OPA3: variants seen among roughly 807,000 people sequenced by gnomAD.
OPA3 encodes the protein outer mitochondrial membrane lipid metabolism regulator OPA3, also known as optic atrophy 3 protein.
A neutral mutation model predicts 4.0 loss-of-function variants in OPA3; 6 were observed. That is an observed-to-expected ratio of 1.51 (90% CI 0.83 to 2.99). The LOEUF is 2.99. Among genes scored for constraint, OPA3 ranks in the 30% most tolerant of loss-of-function variants. OPA3 has a pLI of 0.00. For synonymous variants in OPA3, 105 were observed against 117.1 expected (o/e 0.90, Z 0.67); for missense variants, 235 against 256.2 (o/e 0.92, Z 0.56).
intron 1 of OPA3, among the ~76,000 whole-genome samples, chr19:45,573,961 G>C (rs886367606): frequency 2.2e-4 from 33 of 152,066 alleles, no homozygotes; most frequent in African/African-American, 7.7e-4. Flanking sequence ...TCAGGAGTTG[G>C]AGACCAGCCT....
At position 45,561,759 on chromosome 19, in the gene OPA3, G is replaced by C. The variant is rs1969506310; in HGVS notation, c.143-7848C>G. Reference sequence around the variant, plus strand: ...AATTTGCAACCAGCCTGACCAATATGGTGAAACCCCGTCTCTACTAAAAAT... The same window carrying C: ...AATTTGCAACCAGCCTGACCAATATCGTGAAACCCCGTCTCTACTAAAAAT... On this transcript the variant is annotated intron_variant, in intron 1 of 1. Coordinates refer to ENST00000263275, the MANE Select transcript of OPA3 (RefSeq NM_025136.4). Among the ~76,000 whole-genome samples, 6 of 151,902 alleles carry C rather than the reference G, an allele frequency of 3.9e-5. No homozygotes were observed. In the South Asian group the frequency reaches 1.2e-3, roughly 32 times the overall value.
At chr19:45,572,509 CAT>C (rs72121143) in intron 1 of OPA3, among the ~76,000 whole-genome samples, 29,919 of 121,504 alleles carry the variant, frequency 0.25, 4,548 homozygotes, top group Non-Finnish European at 0.35. Context: ...AGATATATAT[CAT>C]ATATGAGATA....
At chr19:45,579,289 C>T (rs1047374571) in intron 1 of OPA3, among the ~76,000 whole-genome samples, 5 of 152,086 alleles carry the variant, frequency 3.3e-5, no homozygotes, top group South Asian at 2.1e-4. Flanking sequence ...GGTGCAATCT[C>T]GGCTCACTGC....
In OPA3 at chr19:45,537,411, A is replaced by AAAAAAAAAACAAG. The variant is rs1555730901; in HGVS notation, c.143-7956_143-7955insCTTGTTTTTTTTT. Among the ~76,000 whole-genome samples the AAAAAAAAAACAAG allele has an allele frequency of 9.2e-3, 873 of 94,884 alleles. 31 individuals carry two copies. The highest frequency in any genetic ancestry group is 0.039 in the African/African-American group (838 of 21,628). 62.2% of individuals were successfully genotyped at this position (94,884 alleles called of 152,430 possible). ...GACTCTGTCTCAAAAAAAAAAAAAA[A>AAAAAAAAAACAAG]AAAAAAAAAAACAAGAAAAGAACTT... On this transcript the variant is annotated intron_variant, in intron 1 of 1. Transcript: ENST00000323060.
Position 45,551,024 on chromosome 19 carries a change from G to A in OPA3, c.*2490C>T, listed in dbSNP as rs11671670. 311 of 904,370 alleles carry A rather than the reference G, an allele frequency of 3.4e-4. 1 individual carries two copies. The highest frequency in any genetic ancestry group is 1.7e-3 in the Middle Eastern group (3 of 1,748). The allele number at this position is 904,370 out of a possible 1,614,324, so 56.0% of individuals were successfully genotyped here. A position where few individuals can be genotyped will look rare whatever the true frequency, so the allele number is the denominator to read the frequency against. On this transcript the variant is annotated 3_prime_UTR_variant, in exon 2 of 2. Coordinates refer to ENST00000263275, the MANE Select transcript of OPA3 (RefSeq NM_025136.4). ...CATCCAGGCTGGAGTGTAGTGGCGC[G>A]ATCACGGCTCGCTGCAGCCTCGACC...
intron 1 of OPA3, among the ~76,000 whole-genome samples, chr19:45,572,616 CATG>C (rs969513442): frequency 7.8e-6 from 1 of 127,532 alleles, no homozygotes; most frequent in African/African-American, 2.9e-5. Flanking sequence ...TCATATATAT[CATG>C]ATATATGTAT....
rs1311782825 is a variant in OPA3 at position 45,572,510 on chromosome 19, ATATAT to A, written c.142+12108_142+12112del. ...TATCGAGATATATGAGATATATATC[ATATAT>A]GAGATATGAGATATATATATCATAT... is the stretch of plus-strand genomic sequence containing the variant. On this transcript the variant is annotated intron_variant, in intron 1 of 1. Transcript: ENST00000263275. Among the ~76,000 whole-genome samples the A allele has an allele frequency of 3.8e-5, 3 of 78,698 alleles. No individual in the cohort carries two copies. In the East Asian group the frequency reaches 8.4e-4, roughly 22 times the overall value. The allele number at this position is 78,698 out of a possible 152,430, so 51.6% of individuals were successfully genotyped here.
chr19:45,563,253 A>G (rs1473882615), intron 1 of OPA3, among the ~76,000 whole-genome samples: 2 of 152,026 alleles, frequency 1.3e-5, no homozygotes, highest in African/African-American at 4.8e-5. Context: ...TCCGCCTCCC[A>G]GGTTCACACC....
At chr19:45,564,150 G>C (rs1191726748) in intron 1 of OPA3, among the ~76,000 whole-genome samples, 2 of 129,764 alleles carry the variant, frequency 1.5e-5, no homozygotes, top group East Asian at 2.7e-4. Flanking sequence ...CAAGAACAAA[G>C]AGAAGCATCA....
chr19:45,544,439 C>A (rs757634289), downstream of OPA3, among the ~76,000 whole-genome samples: 3 of 152,180 alleles, frequency 2.0e-5, no homozygotes, highest in Non-Finnish European at 4.4e-5. Flanking sequence ...GCAGGCAGAT[C>A]ACCTGAGGTC....
At position 45,551,369 on chromosome 19, in the gene OPA3, GAC is replaced by G. The variant is rs532263532; in HGVS notation, c.*2143_*2144del. On this transcript the variant is annotated 3_prime_UTR_variant, in exon 2 of 2. Transcript: ENST00000263275. ...ACTAACCCCCAGGACCTGTGCTTAT[GAC>G]AGTTTATTTGGAAAAAGTGTTTTTT... 4.1e-3 allele frequency: 631 copies of G among 152,376 alleles called. 3 individuals carry two copies. The highest frequency in any genetic ancestry group is 6.1e-3 in the Non-Finnish European group (415 of 68,088). The allele number at this position is 152,376 out of a possible 1,614,324, so 9.4% of individuals were successfully genotyped here. A position where few individuals can be genotyped will look rare whatever the true frequency, so the allele number is the denominator to read the frequency against.
chr19:45,533,893 ACT>A (rs749642201), intron 1 of OPA3, among the ~76,000 whole-genome samples: 64 of 152,130 alleles, frequency 4.2e-4, no homozygotes, highest in Admixed American at 3.3e-4. Context: ...GTTGCCTCTG[ACT>A]CTGGCCTGGA....
rs201550767 is a variant in OPA3, at chr19:45,579,985, CTTTCTTTTTTTT to C, written c.142+4626_142+4637del. Among the ~76,000 whole-genome samples the C allele has an allele frequency of 5.0e-3, 664 of 132,656 alleles. 9 individuals carry two copies. The highest frequency in any genetic ancestry group is 0.022 in the African/African-American group (607 of 27,046). The allele number at this position is 132,656 out of a possible 152,430, so 87.0% of individuals were successfully genotyped here. ...TCAGTCTGACTCCAGAAGCCATTTT[CTTTCTTTTTTTT>C]TTTCTTTTTTTTTTTTTGATATGGA... is the stretch of plus-strand genomic sequence containing the variant. On this transcript the variant is annotated intron_variant, in intron 1 of 1. Transcript: ENST00000263275.
At position 45,549,113 on chromosome 19, in the gene OPA3, T is replaced by C. The variant is rs767102793; in HGVS notation, c.*4401A>G. ...AGCCACTGCGCCCAGTCCCAAGGAC[T>C]TTTTAAATATGAAAAAAGAATGCAT... is the stretch of plus-strand genomic sequence containing the variant. On this transcript the variant is annotated 3_prime_UTR_variant, in exon 2 of 2. Coordinates refer to ENST00000263275, the MANE Select transcript of OPA3 (RefSeq NM_025136.4). 6.2e-5 allele frequency: 61 copies of C among 985,172 alleles called. No homozygotes were observed. Among genetic ancestry groups the C allele is most frequent in the Non-Finnish European group, 7.2e-5 (60 of 829,890 alleles). 61.0% of individuals were successfully genotyped at this position (985,172 alleles called of 1,614,324 possible).
intron 1 of OPA3, among the ~76,000 whole-genome samples, chr19:45,570,668 C>G (rs1448585203): frequency 6.6e-6 from 1 of 151,686 alleles, no homozygotes; most frequent in Non-Finnish European, 1.5e-5. Flanking sequence ...GCCTGGGCGA[C>G]AGAGTGAGAC....
At chr19:45,537,061 C>T (rs986562660) in intron 1 of OPA3, among the ~76,000 whole-genome samples, 8 of 152,266 alleles carry the variant, frequency 5.3e-5, no homozygotes, top group Admixed American at 3.9e-4. Flanking sequence ...GAAACCCCAT[C>T]TCTACAAAAA....
intron 1 of OPA3, among the ~76,000 whole-genome samples, chr19:45,583,787 C>T (rs1176605250): frequency 6.6e-6 from 1 of 152,202 alleles, no homozygotes; most frequent in Non-Finnish European, 1.5e-5. Flanking sequence ...CAGGTGTGAG[C>T]CACCGCGCCG....
At chr19:45,564,846 T>G (rs1380911865) in intron 1 of OPA3, among the ~76,000 whole-genome samples, 1 of 152,236 alleles carries the variant, frequency 6.6e-6, no homozygotes, top group Non-Finnish European at 1.5e-5. Context: ...GTGACTTTTT[T>G]ATGCTCAAAT....
At chr19:45,537,741 T>G (rs574216885) in intron 1 of OPA3, among the ~76,000 whole-genome samples, 326 of 152,212 alleles carry the variant, frequency 2.1e-3, no homozygotes, top group African/African-American at 7.7e-3. Context: ...CAAGCGATTC[T>G]CCTGCCTCAG....
Sources: gnomAD v4.1 joint callset for allele counts (sites outside exome capture counted in the v4.1 genomes callset) on GRCh38, gnomAD v4.1.1 for gene constraint, MANE v1.5 for transcripts, NCBI Gene and HGNC (gene_info 2026-07-23, HGNC 2026-07-21) for gene names.